Variants in TRAPPC12 observed in about 807,000 individuals in gnomAD.
TRAPPC12 encodes the protein TPR repeat protein 15.
TRAPPC12 carries 61 observed loss-of-function variants against 69.2 expected under a neutral mutation model. The ratio of observed to expected loss-of-function variants is 0.88; its 90% CI spans 0.72 to 1.09. The LOEUF is 1.09. Ranked by LOEUF, TRAPPC12 falls within the 50% of genes least tolerant of loss-of-function variation. TRAPPC12 has a pLI of 0.00. For synonymous variants in TRAPPC12, 469 were observed against 438.9 expected, an observed-to-expected ratio of 1.07 and a Z score of -0.86; for missense variants, 1,101 against 1,016.4, an observed-to-expected ratio of 1.08 and a Z score of -1.13.
intron 7 of TRAPPC12, among the ~76,000 whole-genome samples, chr2:3,458,669 G>A (rs1040043786): frequency 2.0e-4 from 31 of 152,188 alleles, no homozygotes; most frequent in African/African-American, 7.2e-4. Flanking sequence ...GGCACTGTCT[G>A]CTCATGGATG....
chr2:3,450,871 G>A (rs1402102167), intron 6 of TRAPPC12, among the ~76,000 whole-genome samples: 3 of 151,576 alleles, frequency 2.0e-5, no homozygotes, highest in Non-Finnish European at 4.4e-5. Context: ...AACCTATCCC[G>A]TGCTCACCCA....
At chr2:3,424,826 C>T (rs935570344) in intron 5 of TRAPPC12, among the ~76,000 whole-genome samples, 163 bp downstream of exon 5, 3 of 152,236 alleles carry the variant, frequency 2.0e-5, no homozygotes, top group African/African-American at 7.2e-5. Flanking sequence ...GCTCCCACTC[C>T]GATTTACCGA....
At chr2:3,421,841 T>C in intron 3 of TRAPPC12, 40 bp from the exon 4 acceptor site, 1 of 1,564,196 alleles carries the variant, frequency 6.4e-7, no homozygotes, top group Non-Finnish European at 8.8e-7. Flanking sequence ...CACCATGCCT[T>C]GCATGTGTGT....
chr2:3,466,131 C>T, intron 9 of TRAPPC12: 1 of 407,266 alleles, frequency 2.5e-6, no homozygotes. Context: ...CAAAGCTCGG[C>T]AGGACCCCCT....
Position 3,462,915 on chromosome 2 carries a change from G to A in TRAPPC12, c.1677+2579G>A, listed in dbSNP as rs545047038. 46 of 471,136 alleles carry A rather than the reference G, an allele frequency of 9.8e-5. No individual in the cohort carries two copies. The East Asian group carries it at 2.2e-3, about 23-fold the overall frequency. 29.2% of individuals were successfully genotyped at this position (471,136 alleles called of 1,614,324 possible). A position where few individuals can be genotyped will look rare whatever the true frequency, so the allele number is the denominator to read the frequency against. ...CTCCGCACATGATGGAAAGGAGCAC[G>A]CAGCTGCATCAGCTACCTTCCGTCT... On this transcript the variant is annotated intron_variant, in intron 8 of 11. Coordinates refer to ENST00000324266, the MANE Select transcript of TRAPPC12 (RefSeq NM_016030.6).
chr2:3,401,510 A>G (rs1661441605), intron 2 of TRAPPC12, among the ~76,000 whole-genome samples: 3 of 152,254 alleles, frequency 2.0e-5, no homozygotes, highest in Admixed American at 2.0e-4. Context: ...CCTCTTCAGA[A>G]TAAAGAACAT....
At chr2:3,398,802 T>G (rs1661264198) in intron 2 of TRAPPC12, among the ~76,000 whole-genome samples, 1 of 152,220 alleles carries the variant, frequency 6.6e-6, no homozygotes, top group African/African-American at 2.4e-5. Context: ...AGTCCCAGAT[T>G]GTGATATATT....
chr2:3,438,546 ACCCGTGGATTGATCCCCCC>A (rs1664012128), intron 5 of TRAPPC12, among the ~76,000 whole-genome samples: 1 of 10,476 alleles, frequency 9.5e-5, no homozygotes, highest in African/African-American at 4.1e-4. Context: ...AATCCCCACC[ACCCGTGGATTGATCCCCCC>A]TCACCCCTGG....
At chr2:3,436,084 G>A (rs1346644305) in intron 5 of TRAPPC12, among the ~76,000 whole-genome samples, 3 of 152,214 alleles carry the variant, frequency 2.0e-5, no homozygotes, top group African/African-American at 7.2e-5. Context: ...AGGCCCTGAT[G>A]CAGCAGGTCT....
At chr2:3,394,184 G>T (rs1485390530) in intron 2 of TRAPPC12, among the ~76,000 whole-genome samples, 1 of 152,162 alleles carries the variant, frequency 6.6e-6, no homozygotes, top group Non-Finnish European at 1.5e-5. Flanking sequence ...TTCCTTTTAT[G>T]ATACGTCATC....
chr2:3,478,201 G>A lies in TRAPPC12; in HGVS notation c.1877+406G>A, dbSNP rs543439342. The A allele has an allele frequency of 4.0e-4, 65 of 163,332 alleles. 1 individual carries two copies. Among genetic ancestry groups the A allele is most frequent in the Admixed American group, 1.6e-3 (26 of 15,872 alleles). The allele number at this position is 163,332 out of a possible 1,614,324, so 10.1% of individuals were successfully genotyped here. A position where few individuals can be genotyped will look rare whatever the true frequency, so the allele number is the denominator to read the frequency against. ...GTTCTGTGGTAGAACGCACAGCGTC[G>A]TGCGAGTGCACGTTCGTGAGGAGGA... On this transcript the variant is annotated intron_variant, in intron 10 of 11. Coordinates refer to ENST00000324266, the MANE Select transcript of TRAPPC12 (RefSeq NM_016030.6).
chr2:3,464,804 A>C (rs1311120987), intron 8 of TRAPPC12, among the ~76,000 whole-genome samples: 3 of 152,256 alleles, frequency 2.0e-5, no homozygotes, highest in Admixed American at 1.3e-4. Context: ...CTCAGCGTCC[A>C]GCAAGTGGCT....
chr2:3,404,011 CTTA>C (rs1455844836), intron 3 of TRAPPC12, among the ~76,000 whole-genome samples: 1 of 152,130 alleles, frequency 6.6e-6, no homozygotes, highest in African/African-American at 2.4e-5. Flanking sequence ...CAGACAAATC[CTTA>C]TTATGTGTGG....
intron 7 of TRAPPC12, among the ~76,000 whole-genome samples, chr2:3,459,768 G>T (rs909275621): frequency 6.6e-6 from 1 of 152,238 alleles, no homozygotes; most frequent in South Asian, 2.1e-4. Flanking sequence ...GGGAACCGGC[G>T]TCTGCACCAG....
rs1665754514 is a variant in TRAPPC12, at chr2:3,465,393, A to G, written c.1678-204A>G. ...CCCGCCGTTGCGATGCGCACAGCTCAGAATCCCGGCCCGACTGCAGTCGGG... is the reference window on the plus strand; with the variant it reads ...CCCGCCGTTGCGATGCGCACAGCTCGGAATCCCGGCCCGACTGCAGTCGGG... On this transcript the variant is annotated intron_variant, in intron 8 of 11. Coordinates refer to ENST00000324266, the MANE Select transcript of TRAPPC12 (RefSeq NM_016030.6). Among the ~76,000 whole-genome samples, 3 of 151,868 alleles carry G rather than the reference A, an allele frequency of 2.0e-5. No individual in the cohort carries two copies. The South Asian group carries it at 6.2e-4, about 31-fold the overall frequency.
At chr2:3,421,511 T>A (rs1189157208) in intron 3 of TRAPPC12, among the ~76,000 whole-genome samples, 1 of 152,282 alleles carries the variant, frequency 6.6e-6, no homozygotes, top group Non-Finnish European at 1.5e-5. Context: ...GATTTTAAAT[T>A]GACAGAAATC....
At chr2:3,439,728 G>T (rs553597336) in intron 5 of TRAPPC12, among the ~76,000 whole-genome samples, 6 of 152,190 alleles carry the variant, frequency 3.9e-5, no homozygotes, top group Admixed American at 3.9e-4. Context: ...TTTCATGGAT[G>T]GTGTTTTTGG....
At chr2:3,466,720 C>G (rs1665830528) in intron 9 of TRAPPC12, among the ~76,000 whole-genome samples, 1 of 152,148 alleles carries the variant, frequency 6.6e-6, no homozygotes, top group South Asian at 2.1e-4. Flanking sequence ...GTCCATGGGC[C>G]CCTGTGGTGG....
chr2:3,465,772 T>A, intron 9 of TRAPPC12, 77 bp downstream of exon 9: 1 of 947,744 alleles, frequency 1.1e-6, no homozygotes, highest in Non-Finnish European at 1.7e-6. Context: ...TGTTTGCTTT[T>A]AATCATTTTA....
Sources: allele counts gnomAD v4.1 joint callset (sites outside exome capture counted in the v4.1 genomes callset), GRCh38; gene constraint gnomAD v4.1.1; transcripts MANE v1.5; gene names NCBI Gene and HGNC (gene_info 2026-07-23, HGNC 2026-07-21).